The following SORCS1 variants were observed in gnomAD, a reference collection of about 807,000 sequenced individuals.
The protein encoded by SORCS1 is sortilin related VPS10 domain containing receptor 1.
SORCS1 carries 60 observed loss-of-function variants against 146.1 expected under a neutral mutation model. The observed-to-expected ratio is 0.41, with a 90% CI of 0.33 to 0.51. The LOEUF (loss-of-function observed/expected upper bound fraction) is 0.51, where lower values mean the gene tolerates loss of function less well. Among genes scored for constraint, SORCS1 ranks in the 20% least tolerant of loss-of-function variants. The pLI is 0.21. For missense variants in SORCS1, 1,352 were observed against 1,487.6 expected (o/e 0.91, Z 1.50); for synonymous variants, 637 against 584.0 (o/e 1.09, Z -1.31).
chr10:106,980,655 CTCTG>C (rs1469871914), intron 1 of SORCS1, among the ~76,000 whole-genome samples: 1 of 152,226 alleles, frequency 6.6e-6, no homozygotes, highest in Non-Finnish European at 1.5e-5. Context: ...CCTTGCTGAG[CTCTG>C]TCTAAATAGC....
chr10:106,941,282 C>T (rs1329257724), intron 2 of SORCS1, among the ~76,000 whole-genome samples: 1 of 152,170 alleles, frequency 6.6e-6, no homozygotes, highest in African/African-American at 2.4e-5. Context: ...TTGTGTTTGT[C>T]TGTTGGTGTT....
At chr10:107,173,105 C>T in the SORCS1 span, among the ~76,000 whole-genome samples, 1 of 152,124 alleles carries the variant, frequency 6.6e-6, no homozygotes, top group African/African-American at 2.4e-5. Flanking sequence ...GTCAACAATA[C>T]CTATGTGCAT....
intron 1 of SORCS1, among the ~76,000 whole-genome samples, chr10:107,028,361 G>A (rs147337573): frequency 6.6e-6 from 1 of 152,264 alleles, no homozygotes; most frequent in African/African-American, 2.4e-5. Flanking sequence ...ACACACTTGG[G>A]TTAGACTCCC....
chr10:106,675,416 T>A (rs1814049674), intron 13 of SORCS1, among the ~76,000 whole-genome samples: 1 of 152,174 alleles, frequency 6.6e-6, no homozygotes, highest in African/African-American at 2.4e-5. Flanking sequence ...AAGTCTTTTA[T>A]AAAATTGTTG....
At chr10:106,588,949 A>T (rs1264116875) in intron 24 of SORCS1, among the ~76,000 whole-genome samples, 1 of 151,638 alleles carries the variant, frequency 6.6e-6, no homozygotes, top group East Asian at 1.9e-4. Flanking sequence ...GGCTTAGAAA[A>T]TCTCTATCTT....
Position 106,672,921 on chromosome 10 carries a change from A to G in SORCS1, c.2005T>C (p.Phe669Leu). Residue 669 changes from phenylalanine to leucine, a missense_variant, in exon 15 of 26, where the codon TTT becomes CTT. By Grantham distance (22) the Phe-to-Leu change is conservative (BLOSUM62 0). Coordinates refer to ENST00000263054, the MANE Select transcript of SORCS1 (RefSeq NM_052918.5). Reference protein sequence around the residue: ...QLVKVDYKSIFDRRCAEEDYR... With the variant: ...QLVKVDYKSILDRRCAEEDYR... ...TCCTCTTCGGCACACCGTCTATCAA[A>G]AATGGACTTGTAATCTACTTTGACC... The G allele has an allele frequency of 6.2e-7, 1 of 1,614,134 alleles. No homozygotes were observed. Among genetic ancestry groups the G allele is most frequent in the Non-Finnish European group, 8.5e-7 (1 of 1,180,016 alleles).
At chr10:106,665,206 A>G (rs989762010) in intron 17 of SORCS1, among the ~76,000 whole-genome samples, 4 of 149,942 alleles carry the variant, frequency 2.7e-5, no homozygotes, top group African/African-American at 9.7e-5. Flanking sequence ...AATTAAACAC[A>G]TTTAAAATTT....
intron 1 of SORCS1, among the ~76,000 whole-genome samples, chr10:107,069,236 T>C (rs1962205437): frequency 6.6e-6 from 1 of 152,160 alleles, no homozygotes. Flanking sequence ...GGGGATGTGA[T>C]TACAAAACTG....
At chr10:106,757,733 G>A (rs1470383648) in intron 5 of SORCS1, among the ~76,000 whole-genome samples, 1 of 152,228 alleles carries the variant, frequency 6.6e-6, no homozygotes. Context: ...GAGTGGGCTA[G>A]ATTTCCAGGG....
At chr10:106,830,507 G>A (rs1948492600) in intron 2 of SORCS1, among the ~76,000 whole-genome samples, 1 of 149,232 alleles carries the variant, frequency 6.7e-6, no homozygotes, top group African/African-American at 2.5e-5. Flanking sequence ...TGGACAGCTA[G>A]AAATTGAATT....
rs199912850 is a variant in SORCS1 at position 107,163,999 on chromosome 10, G to C, written c.528C>G (p.Ala176=). Residue 176 remains alanine, a synonymous_variant, in exon 1 of 26, where the codon GCC becomes GCG. Coordinates refer to ENST00000263054, the MANE Select transcript of SORCS1 (RefSeq NM_052918.5). ...TGTTGTGGCCAGACCAGTGGACCATGGCTTGGTTGTGTGCTGAGTCTCCCG... is the reference window on the plus strand; with the variant it reads ...TGTTGTGGCCAGACCAGTGGACCATCGCTTGGTTGTGTGCTGAGTCTCCCG... The part of the protein sequence containing the change: ...ALTGDSAHNQ[A]MVHWSGHNSS... 1 of 1,613,978 alleles carries C rather than the reference G, an allele frequency of 6.2e-7. No individual in the cohort carries two copies. Among genetic ancestry groups the C allele is most frequent in the Non-Finnish European group, 8.5e-7 (1 of 1,179,964 alleles).
At chr10:106,690,055 C>T (rs1167575562) in intron 9 of SORCS1, among the ~76,000 whole-genome samples, 1 of 152,232 alleles carries the variant, frequency 6.6e-6, no homozygotes, top group Non-Finnish European at 1.5e-5. Flanking sequence ...AGACCAACTT[C>T]TTGTGCATTG....
At chr10:106,866,419 C>G (rs1950223426) in intron 2 of SORCS1, among the ~76,000 whole-genome samples, 2 of 152,208 alleles carry the variant, frequency 1.3e-5, no homozygotes, top group African/African-American at 4.8e-5. Flanking sequence ...CTGCATCTCT[C>G]TGGGGTAGAG....
chr10:106,831,896 C>T (rs1297271353), intron 2 of SORCS1, among the ~76,000 whole-genome samples: 2 of 152,184 alleles, frequency 1.3e-5, no homozygotes, highest in Non-Finnish European at 2.9e-5. Flanking sequence ...GCATCACAGA[C>T]TAGATGTTAC....
At chr10:107,064,568 C>T (rs1403991072) in intron 1 of SORCS1, among the ~76,000 whole-genome samples, 1 of 152,146 alleles carries the variant, frequency 6.6e-6, no homozygotes, top group Non-Finnish European at 1.5e-5. Flanking sequence ...TGTATACTGA[C>T]CTGCATTTAT....
intron 1 of SORCS1, 138 bp from the exon 2 acceptor site, chr10:106,956,718 C>T (rs1423614357): frequency 5.7e-6 from 4 of 696,834 alleles, no homozygotes; most frequent in Admixed American, 2.7e-5. Context: ...ATTTGCCACA[C>T]TGACTGGGGA....
At chr10:106,664,940 G>A (rs1337042515) in intron 17 of SORCS1, among the ~76,000 whole-genome samples, 1 of 151,968 alleles carries the variant, frequency 6.6e-6, no homozygotes, top group Non-Finnish European at 1.5e-5. Context: ...TCCCCATTAA[G>A]TTTAGTTATT....
chr10:106,991,651 GT>G (rs1956776799), intron 1 of SORCS1, among the ~76,000 whole-genome samples: 1 of 152,104 alleles, frequency 6.6e-6, no homozygotes. Flanking sequence ...ATAATTATCT[GT>G]TTTTGATTAA....
chr10:106,728,303 A>C (rs973038906), intron 6 of SORCS1, among the ~76,000 whole-genome samples: 1 of 52,054 alleles, frequency 1.9e-5, no homozygotes, highest in Non-Finnish European at 7.2e-5. Flanking sequence ...TTTTGCATTA[A>C]GAAAATATTG....
Sources: allele counts gnomAD v4.1 joint callset (sites outside exome capture counted in the v4.1 genomes callset), GRCh38; gene constraint gnomAD v4.1.1; transcripts MANE v1.5; gene names NCBI Gene and HGNC (gene_info 2026-07-23, HGNC 2026-07-21).